BABAM2: variants seen among roughly 807,000 people sequenced by gnomAD.
BABAM2 encodes BRISC and BRCA1-A complex member 2.
Under a neutral mutation model 54.7 loss-of-function variants are expected in BABAM2, and 31 were observed. The ratio of observed to expected loss-of-function variants is 0.57; its 90% confidence interval spans 0.43 to 0.77. BABAM2 has a LOEUF of 0.77. Among genes scored for constraint, BABAM2 ranks in the 30% least tolerant of loss-of-function variants. The pLI is 0.00. For missense variants in BABAM2, 364 were observed against 455.8 expected (o/e 0.80, Z 1.83); for synonymous variants, 167 against 162.9 (o/e 1.03, Z -0.19).
rs567941908 is a variant in BABAM2, at chr2:28,060,855, A to G, written c.570+15056A>G. Among the ~76,000 whole-genome samples, 11 of 152,344 alleles carry G rather than the reference A, an allele frequency of 7.2e-5. No individual in the cohort carries two copies. In the East Asian group the frequency reaches 2.1e-3, roughly 29 times the overall value. ...GAAGATCTAAACAAATGGATATGTC[A>G]TGTTCATATGCTGGAAGACTTAATC... is the stretch of plus-strand genomic sequence containing the variant. On this transcript the variant is annotated intron_variant, in intron 6 of 11. Coordinates refer to ENST00000379624, the MANE Select transcript of BABAM2 (RefSeq NM_199191.3).
intron 9 of BABAM2, among the ~76,000 whole-genome samples, chr2:28,243,654 C>T (rs968842565): frequency 1.3e-5 from 2 of 151,984 alleles, no homozygotes; most frequent in African/African-American, 4.8e-5. Context: ...TTGCAGTGAG[C>T]CAAGATCGCA....
intron 6 of BABAM2, among the ~76,000 whole-genome samples, chr2:28,075,685 G>T (rs1664599624): frequency 6.6e-6 from 1 of 152,002 alleles, no homozygotes; most frequent in Non-Finnish European, 1.5e-5. Flanking sequence ...AAATCATTCT[G>T]ATTAATTGCT....
At chr2:28,104,647 T>C (rs543244678) in intron 6 of BABAM2, among the ~76,000 whole-genome samples, 1 of 152,346 alleles carries the variant, frequency 6.6e-6, no homozygotes, top group South Asian at 2.1e-4. Context: ...CTTAGGGATC[T>C]AGAACTAGAA....
In BABAM2 at chr2:28,052,433, A is replaced by G. The variant is rs189263989; in HGVS notation, c.570+6634A>G. 6.3e-3 allele frequency among the ~76,000 whole-genome samples: 957 copies of G among 151,892 alleles called. 7 individuals carry two copies. Among genetic ancestry groups the G allele is most frequent in the Non-Finnish European group, 7.8e-3 (533 of 67,920 alleles). Reference sequence around the variant, plus strand: ...TTCCCCAGTAGCTGGGATTACAGGCATGTGCCACCATGCCTGGCTAATTTT... The same window carrying G: ...TTCCCCAGTAGCTGGGATTACAGGCGTGTGCCACCATGCCTGGCTAATTTT... On this transcript the variant is annotated intron_variant, in intron 6 of 11. Coordinates refer to ENST00000379624, the MANE Select transcript of BABAM2 (RefSeq NM_199191.3).
chr2:28,237,124 C>G, intron 7 of BABAM2, 78 bp from the exon 8 acceptor site: 1 of 1,247,066 alleles, frequency 8.0e-7, no homozygotes. Context: ...ATGAGAGAAG[C>G]CAAGTCTGCT....
chr2:27,939,180 T>A (rs535901796), intron 3 of BABAM2, among the ~76,000 whole-genome samples: 3 of 152,286 alleles, frequency 2.0e-5, no homozygotes, highest in Admixed American at 2.0e-4. Context: ...CTCGATGTCT[T>A]GACCTAGTGA....
At chr2:28,190,013 G>C (rs1676730312) in intron 7 of BABAM2, among the ~76,000 whole-genome samples, 1 of 152,160 alleles carries the variant, frequency 6.6e-6, no homozygotes, top group Admixed American at 6.5e-5. Context: ...TTCAGTTTTT[G>C]ACAGAGTTGC....
At chr2:28,059,510 T>C (rs1453270719) in intron 6 of BABAM2, among the ~76,000 whole-genome samples, 2 of 152,206 alleles carry the variant, frequency 1.3e-5, no homozygotes, top group Admixed American at 1.3e-4. Context: ...GAAAGTCATG[T>C]GAGTACTTCA....
At chr2:28,027,027 A>G (rs1288613632) in intron 5 of BABAM2, among the ~76,000 whole-genome samples, 1 of 134,814 alleles carries the variant, frequency 7.4e-6, no homozygotes, top group East Asian at 2.0e-4. Flanking sequence ...ACCCCAAAAA[A>G]AGAAAAAACA....
intron 11 of BABAM2, among the ~76,000 whole-genome samples, chr2:28,318,708 G>A (rs1385566826): frequency 6.6e-6 from 1 of 152,204 alleles, no homozygotes; most frequent in African/African-American, 2.4e-5. Flanking sequence ...GTCTGTATTT[G>A]TTTATTGGTC....
upstream of BABAM2, among the ~76,000 whole-genome samples, chr2:27,889,121 TCTAA>T (rs1324799825): frequency 1.3e-5 from 2 of 152,246 alleles, no homozygotes; most frequent in Non-Finnish European, 2.9e-5. Context: ...CAGTCTCTTC[TCTAA>T]CTCCCACCTT....
chr2:28,240,827 G>A (rs1022100425), intron 8 of BABAM2, among the ~76,000 whole-genome samples: 21 of 145,930 alleles, frequency 1.4e-4, no homozygotes, highest in Non-Finnish European at 2.5e-4. Context: ...CTAAGATCGC[G>A]CCATTGCACT....
chr2:28,258,768 A>C (rs555956942), intron 10 of BABAM2, among the ~76,000 whole-genome samples: 1 of 150,630 alleles, frequency 6.6e-6, no homozygotes, highest in Non-Finnish European at 1.5e-5. Flanking sequence ...ATGCACCGCC[A>C]TGCCTGGCTA....
In BABAM2 at chr2:28,100,739, C is replaced by T. The variant is rs1190668743; in HGVS notation, c.571-28532C>T. Among the ~76,000 whole-genome samples, 4 of 152,104 alleles carry T rather than the reference C, an allele frequency of 2.6e-5. No homozygotes were observed. In the East Asian group the frequency reaches 5.8e-4, roughly 22 times the overall value. ...AGATTTTGTGCCTGCAGAAGCATAA[C>T]GACTAGAAAGCTCGATGCCAAATGA... On this transcript the variant is annotated intron_variant, in intron 6 of 11. Transcript: ENST00000379624.
rs1558421231 is a variant in BABAM2 at position 28,190,756 on chromosome 2, A to G, written c.681-46446A>G. ...CCCTCATGATCTAATCACCTTCCAA[A>G]GGTTCTACTTACTAATACCATTAAT... is the stretch of plus-strand genomic sequence containing the variant. On this transcript the variant is annotated intron_variant, in intron 7 of 11. Coordinates refer to ENST00000379624, the MANE Select transcript of BABAM2 (RefSeq NM_199191.3). 2.6e-5 allele frequency among the ~76,000 whole-genome samples: 4 copies of G among 152,304 alleles called. No homozygotes were observed. In the East Asian group the frequency reaches 7.7e-4, roughly 29 times the overall value.
At chr2:28,195,107 A>AT (rs912720532) in intron 7 of BABAM2, among the ~76,000 whole-genome samples, 7 of 151,762 alleles carry the variant, frequency 4.6e-5, no homozygotes, top group African/African-American at 1.7e-4. Context: ...ATGCAATGGG[A>AT]TTTTTTTTTC....
chr2:28,113,653 G>T (rs908168031), intron 6 of BABAM2, among the ~76,000 whole-genome samples: 4 of 152,128 alleles, frequency 2.6e-5, no homozygotes, highest in African/African-American at 9.7e-5. Flanking sequence ...GGTTCCATAT[G>T]AAATTTAAGG....
chr2:28,261,776 C>A (rs1264461602), intron 10 of BABAM2, among the ~76,000 whole-genome samples: 5 of 150,776 alleles, frequency 3.3e-5, no homozygotes, highest in Non-Finnish European at 5.9e-5. Flanking sequence ...TTCCCCTCCC[C>A]TCCCCTCCCC....
At chr2:28,313,597 G>A (rs17739431) in intron 11 of BABAM2, among the ~76,000 whole-genome samples, 17,218 of 152,192 alleles carry the variant, frequency 0.11, 1,075 homozygotes, top group Middle Eastern at 0.17. Context: ...CTTGACACTC[G>A]GAAGAACAGC....
Sources: allele counts gnomAD v4.1 joint callset (sites outside exome capture counted in the v4.1 genomes callset), GRCh38; gene constraint gnomAD v4.1.1; transcripts MANE v1.5; gene names NCBI Gene and HGNC (gene_info 2026-07-23, HGNC 2026-07-21).